Variants in DCT observed in about 807,000 individuals in gnomAD.
The protein encoded by DCT is dopachrome tautomerase.
A neutral mutation model predicts 53.0 loss-of-function variants in DCT; 47 were observed. That is an observed-to-expected ratio of 0.89 (90% CI 0.70 to 1.13). The LOEUF is 1.13. DCT is among the 50% of genes most tolerant of loss of function. The pLI is 0.00. For synonymous variants in DCT, 244 were observed against 237.0 expected (o/e 1.03, Z -0.27); for missense variants, 669 against 637.4 (o/e 1.05, Z -0.53).
At chr13:94,481,384 T>C (rs1885438468), upstream of DCT, among the ~76,000 whole-genome samples, 3 of 152,070 alleles carry the variant, frequency 2.0e-5, no homozygotes, top group Non-Finnish European at 1.5e-5. Context: ...TCTCAGGGGT[T>C]TTTGAAACCT....
chr13:94,483,270 G>C (rs1157739456), upstream of DCT, among the ~76,000 whole-genome samples: 2 of 151,176 alleles, frequency 1.3e-5, no homozygotes, highest in East Asian at 3.9e-4. Flanking sequence ...GTGAGACCCT[G>C]TCTCAAATAA....
At chr13:94,490,103 AAAAT>A in the DCT span, among the ~76,000 whole-genome samples, 8 of 152,226 alleles carry the variant, frequency 5.3e-5, no homozygotes, top group Non-Finnish European at 1.2e-4. Context: ...AGAGCTGACA[AAAAT>A]AAATGCTATC....
the DCT span, among the ~76,000 whole-genome samples, chr13:94,520,459 G>A: frequency 6.6e-6 from 1 of 152,192 alleles, no homozygotes; most frequent in Non-Finnish European, 1.5e-5. Flanking sequence ...CATAAGGCTG[G>A]AAGACAGCAT....
chr13:94,459,170 T>C (rs1055873778), intron 6 of DCT, among the ~76,000 whole-genome samples: 6 of 152,182 alleles, frequency 3.9e-5, no homozygotes, highest in African/African-American at 1.4e-4. Context: ...TGAGCCACCA[T>C]GCCTGGCAGT....
At chr13:94,452,678 C>A in intron 6 of DCT, 1 of 739,444 alleles carries the variant, frequency 1.4e-6, no homozygotes, top group Non-Finnish European at 2.5e-6. Context: ...TGTCCATCAA[C>A]AGAAAATAGT....
the DCT span, among the ~76,000 whole-genome samples, chr13:94,545,747 G>A: frequency 9.9e-4 from 151 of 152,112 alleles, 2 homozygotes; most frequent in East Asian, 0.025. Context: ...TCACATGGTG[G>A]TCTTCCTTCA....
rs1053392292 is a variant in DCT at position 94,437,293 on chromosome 13, A to T, written c.*2605T>A. 6.6e-6 allele frequency: 1 copy of T among 152,194 alleles called. No individual in the cohort carries two copies. 9.4% of individuals were successfully genotyped at this position (152,194 alleles called of 1,614,324 possible). A position where few individuals can be genotyped will look rare whatever the true frequency, so the allele number is the denominator to read the frequency against. On this transcript the variant is annotated 3_prime_UTR_variant, in exon 8 of 8. Transcript: ENST00000377028. Reference sequence around the variant, plus strand: ...CTACTTAAAAAACAATAATCCTCAAAAGACAAACAATAATCTGCAAAACAA... The same window carrying T: ...CTACTTAAAAAACAATAATCCTCAATAGACAAACAATAATCTGCAAAACAA...
At chr13:94,531,824 C>CA in the DCT span, among the ~76,000 whole-genome samples, 2 of 151,906 alleles carry the variant, frequency 1.3e-5, no homozygotes, top group Non-Finnish European at 2.9e-5. Context: ...TTCTGCACAG[C>CA]AAAAAAACTA....
At position 94,477,857 on chromosome 13, in the gene DCT, A is replaced by G. The variant is rs115290389; in HGVS notation, c.295+1104T>C. ...ACCACCCAGCCTACAACAGTGTCCA[A>G]GGGCTTTCCTGAGGTTGCCACTTGT... On this transcript the variant is annotated intron_variant, in intron 1 of 7. Coordinates refer to ENST00000377028, the MANE Select transcript of DCT (RefSeq NM_001922.5). 4.5e-3 allele frequency among the ~76,000 whole-genome samples: 687 copies of G among 152,320 alleles called. 4 individuals are homozygous for G. Among genetic ancestry groups the G allele is most frequent in the African/African-American group, 0.016 (671 of 41,560 alleles).
the DCT span, among the ~76,000 whole-genome samples, chr13:94,502,637 C>T: frequency 9.9e-5 from 15 of 152,068 alleles, no homozygotes; most frequent in African/African-American, 3.6e-4. Flanking sequence ...TTCTGACCCC[C>T]TCCTCTCCTT....
the DCT span, among the ~76,000 whole-genome samples, chr13:94,547,984 A>AAAAAAAATATATATATATATAT: frequency 3.0e-5 from 2 of 65,844 alleles, no homozygotes; most frequent in African/African-American, 2.6e-4. Flanking sequence ...AAAAAAAAAA[A>AAAAAAAATATATATATATATAT]ATATATATAT....
chr13:94,489,331 A>T, the DCT span, among the ~76,000 whole-genome samples: 1 of 152,298 alleles, frequency 6.6e-6, no homozygotes, highest in East Asian at 1.9e-4. Context: ...TACTTTGTGA[A>T]TAAGGACAAA....
chr13:94,511,777 T>C, the DCT span, among the ~76,000 whole-genome samples: 4 of 151,988 alleles, frequency 2.6e-5, no homozygotes, highest in Non-Finnish European at 5.9e-5. Flanking sequence ...TCTCATACCA[T>C]AGGTGTGTTG....
chr13:94,469,112 T>C (rs2139352680), intron 1 of DCT, 67 bp from the exon 2 acceptor site: 1 of 1,349,778 alleles, frequency 7.4e-7, no homozygotes, highest in African/African-American at 1.4e-5. Flanking sequence ...TTTCTGAATT[T>C]GTACTCTGAA....
chr13:94,499,755 C>G, the DCT span, among the ~76,000 whole-genome samples: 4 of 152,048 alleles, frequency 2.6e-5, no homozygotes, highest in Non-Finnish European at 4.4e-5. Context: ...TTAAACTGAC[C>G]TCCCCTCATG....
chr13:94,442,715 A>C (rs1882417812), intron 7 of DCT, among the ~76,000 whole-genome samples: 2 of 152,248 alleles, frequency 1.3e-5, no homozygotes, highest in African/African-American at 4.8e-5. Flanking sequence ...AGTCCCACGT[A>C]GCCCAATCTG....
intron 6 of DCT, among the ~76,000 whole-genome samples, chr13:94,456,476 T>G (rs1201629149): frequency 6.6e-6 from 1 of 152,242 alleles, no homozygotes. Flanking sequence ...GTAAAATGTC[T>G]TAGGGCATTA....
the DCT span, among the ~76,000 whole-genome samples, chr13:94,517,429 T>C: frequency 1.3e-5 from 2 of 152,190 alleles, no homozygotes; most frequent in Non-Finnish European, 2.9e-5. Flanking sequence ...CACCTGAAAC[T>C]GTGTCATTTT....
upstream of DCT, among the ~76,000 whole-genome samples, chr13:94,483,758 T>C (rs1292464834): frequency 6.6e-6 from 1 of 152,148 alleles, no homozygotes; most frequent in Non-Finnish European, 1.5e-5. Flanking sequence ...CACCTCGGCC[T>C]CCCAAAGTGC....
Sources: gnomAD v4.1 joint callset for allele counts (sites outside exome capture counted in the v4.1 genomes callset) on GRCh38, gnomAD v4.1.1 for gene constraint, MANE v1.5 for transcripts, NCBI Gene and HGNC (gene_info 2026-07-23, HGNC 2026-07-21) for gene names.